The following MSI2 variants were observed in gnomAD, a reference collection of about 807,000 sequenced individuals.
MSI2 encodes the protein RNA-binding protein Musashi homolog 2.
A neutral mutation model predicts 45.6 loss-of-function variants in MSI2; 17 were observed. That is an observed-to-expected ratio of 0.37 (90% CI 0.26 to 0.56). MSI2 has a LOEUF of 0.56. Ranked by LOEUF, MSI2 falls within the 20% of genes least tolerant of loss-of-function variation. The probability of loss-of-function intolerance (pLI) is 0.77; values close to 1 mark genes in which losing one functional copy is unlikely to be tolerated. For synonymous variants in MSI2, 156 were observed against 158.2 expected, an observed-to-expected ratio of 0.99 and a Z score of 0.11; for missense variants, 293 against 444.2, an observed-to-expected ratio of 0.66 and a Z score of 3.06.
chr17:57,607,552 G>C (rs955428084), intron 8 of MSI2, among the ~76,000 whole-genome samples: 6 of 152,224 alleles, frequency 3.9e-5, no homozygotes, highest in Admixed American at 2.0e-4. Context: ...CAAGGACAGT[G>C]CCTGATTATG....
At chr17:57,451,472 TC>T (rs1469568781) in intron 6 of MSI2, among the ~76,000 whole-genome samples, 1 of 152,206 alleles carries the variant, frequency 6.6e-6, no homozygotes, top group Non-Finnish European at 1.5e-5. Context: ...CATCGTGGGC[TC>T]CCAGCTGTCC....
chr17:57,493,527 C>A (rs2143820528), intron 6 of MSI2, among the ~76,000 whole-genome samples: 1 of 151,720 alleles, frequency 6.6e-6, no homozygotes, highest in South Asian at 2.1e-4. Context: ...GAGATCCAGC[C>A]CATATGGGCA....
At chr17:57,357,675 A>G (rs1350784376) in intron 5 of MSI2, among the ~76,000 whole-genome samples, 1 of 152,156 alleles carries the variant, frequency 6.6e-6, no homozygotes, top group Non-Finnish European at 1.5e-5. Flanking sequence ...TAAAGGTGAA[A>G]TCATGACCTG....
rs1429606216 is a variant in MSI2 at position 57,632,589 on chromosome 17, CAG to C, written c.727+5287_727+5288del. On this transcript the variant is annotated intron_variant, in intron 10 of 13. Transcript: ENST00000284073. ...CATTGGAGTAGGAGGGGGTGGAACACAGGGGGCCCATCCTGATCAGGCCCCAT... is the reference window on the plus strand; with the variant it reads ...CATTGGAGTAGGAGGGGGTGGAACACGGGGCCCATCCTGATCAGGCCCCAT... The C allele has an allele frequency of 1.1e-5, 12 of 1,066,570 alleles. 1 individual carries two copies. In the South Asian group the frequency reaches 5.0e-4, roughly 44 times the overall value. The allele number at this position is 1,066,570 out of a possible 1,614,324, so 66.1% of individuals were successfully genotyped here. A position where few individuals can be genotyped will look rare whatever the true frequency, so the allele number is the denominator to read the frequency against.
At chr17:57,282,870 G>T in intron 5 of MSI2, among the ~76,000 whole-genome samples, 1 of 127,724 alleles carries the variant, frequency 7.8e-6, no homozygotes, top group Non-Finnish European at 1.6e-5. Flanking sequence ...GTCTCTAGAA[G>T]AGACTTGCCG....
At chr17:57,491,277 A>G (rs970299901) in intron 6 of MSI2, among the ~76,000 whole-genome samples, 13 of 152,236 alleles carry the variant, frequency 8.5e-5, no homozygotes, top group African/African-American at 3.1e-4. Flanking sequence ...CGGCAGAGGC[A>G]TTGGAGAAGA....
chr17:57,337,058 G>T (rs1056819537), intron 5 of MSI2, among the ~76,000 whole-genome samples: 10 of 152,190 alleles, frequency 6.6e-5, no homozygotes, highest in Non-Finnish European at 5.9e-5. Context: ...GGCTACCTGT[G>T]TCTGCACAGT....
chr17:57,356,097 A>C (rs1187682203), intron 5 of MSI2, among the ~76,000 whole-genome samples: 1 of 152,012 alleles, frequency 6.6e-6, no homozygotes, highest in African/African-American at 2.4e-5. Flanking sequence ...CTGGTCCCGA[A>C]CTCCTGACCT....
chr17:57,416,854 T>C (rs1307606657), intron 6 of MSI2, among the ~76,000 whole-genome samples: 1 of 152,164 alleles, frequency 6.6e-6, no homozygotes, highest in Non-Finnish European at 1.5e-5. Context: ...CAGCTGCTGT[T>C]GAAAGGTCCT....
chr17:57,257,219 C>A lies in MSI2; in HGVS notation c.103+81C>A, dbSNP rs1236090191. On this transcript the variant is annotated intron_variant, in intron 2 of 13. Transcript: ENST00000284073. ...TCTTTGTTATCCCGGTGTAGGAGCC[C>A]CCCCCCCCCCGCCATTGGCTCCCCA... 499 of 247,318 alleles carry A rather than the reference C, an allele frequency of 2.0e-3. 1 individual carries two copies. Among genetic ancestry groups the A allele is most frequent in the Middle Eastern group, 7.9e-3 (5 of 630 alleles). 15.3% of individuals were successfully genotyped at this position (247,318 alleles called of 1,614,324 possible).
chr17:57,275,292 G>T (rs1433987255), intron 5 of MSI2, among the ~76,000 whole-genome samples: 2 of 152,224 alleles, frequency 1.3e-5, no homozygotes, highest in African/African-American at 4.8e-5. Flanking sequence ...TAGGAACTGG[G>T]AGCACAGGGC....
At chr17:57,392,483 G>A (rs2083813142) in intron 5 of MSI2, among the ~76,000 whole-genome samples, 2 of 152,116 alleles carry the variant, frequency 1.3e-5, no homozygotes, top group South Asian at 2.1e-4. Flanking sequence ...ATAATTGTGT[G>A]TGAATTATAT....
chr17:57,557,185 G>T (rs922302605), intron 7 of MSI2, among the ~76,000 whole-genome samples: 1 of 152,330 alleles, frequency 6.6e-6, no homozygotes, highest in South Asian at 2.1e-4. Flanking sequence ...CTTAAGAAAC[G>T]TTAACGATGA....
rs189576183 is a variant in MSI2 at position 57,407,618 on chromosome 17, C to G, written c.405+6147C>G. On this transcript the variant is annotated intron_variant, in intron 6 of 13. Coordinates refer to ENST00000284073, the MANE Select transcript of MSI2 (RefSeq NM_138962.4). The surrounding 1 kb of genome is among the most constrained non-coding windows in gnomAD (Gnocchi z 4.1). ...AAGTGGTTCATGTAGGTGGGTTGCCCGGGGAGTGGTCAGCCTCCCGGGCCT... is the reference window on the plus strand; with the variant it reads ...AAGTGGTTCATGTAGGTGGGTTGCCGGGGGAGTGGTCAGCCTCCCGGGCCT... Among the ~76,000 whole-genome samples, 5 of 152,110 alleles carry G rather than the reference C, an allele frequency of 3.3e-5. No individual in the cohort carries two copies. Among genetic ancestry groups the G allele is most frequent in the Non-Finnish European group, 5.9e-5 (4 of 68,022 alleles).
rs149429341 is a variant in MSI2 at position 57,475,366 on chromosome 17, A to G, written c.406-54310A>G. Among the ~76,000 whole-genome samples the G allele has an allele frequency of 4.4e-3, 672 of 152,194 alleles. 2 individuals carry two copies. The highest frequency in any genetic ancestry group is 8.6e-3 in the Non-Finnish European group (588 of 68,008). On this transcript the variant is annotated intron_variant, in intron 6 of 13. Transcript: ENST00000284073. ...GTGAGTGTCCAGGTGTGCCCCAAGGACACATGCGTGCACACAAGAGAGGAG... is the reference window on the plus strand; with the variant it reads ...GTGAGTGTCCAGGTGTGCCCCAAGGGCACATGCGTGCACACAAGAGAGGAG...
intron 5 of MSI2, among the ~76,000 whole-genome samples, chr17:57,397,553 T>C (rs1340796512): frequency 6.6e-6 from 1 of 152,190 alleles, no homozygotes; most frequent in Non-Finnish European, 1.5e-5. Flanking sequence ...CTTCCTGCCC[T>C]CCTCAGTAGC....
chr17:57,305,942 T>G (rs1450794893), intron 5 of MSI2, among the ~76,000 whole-genome samples: 1 of 152,192 alleles, frequency 6.6e-6, no homozygotes, highest in Admixed American at 6.5e-5. Flanking sequence ...CATACTTTAT[T>G]AAGGTCTAAC....
intron 7 of MSI2, among the ~76,000 whole-genome samples, chr17:57,591,309 G>A (rs1432329739): frequency 1.3e-5 from 2 of 152,190 alleles, no homozygotes; most frequent in Non-Finnish European, 2.9e-5. Context: ...TGTACATCCA[G>A]TAGATTGTTC....
At chr17:57,450,001 G>A (rs2084967702) in intron 6 of MSI2, 1 of 152,120 alleles carries the variant, frequency 6.6e-6, no homozygotes, top group African/African-American at 2.4e-5. Context: ...ACTCTAGCCT[G>A]GCAACAGAGT....
Sources: gnomAD v4.1 joint callset for allele counts (sites outside exome capture counted in the v4.1 genomes callset) on GRCh38, gnomAD v4.1.1 for gene constraint, Gnocchi (gnomAD v3.1) non-coding constraint, MANE v1.5 for transcripts, NCBI Gene and HGNC (gene_info 2026-07-23, HGNC 2026-07-21) for gene names.